The following SMARCA2 variants were observed in gnomAD, a reference collection of about 807,000 sequenced individuals.
SMARCA2 encodes the protein SWI/SNF-related matrix-associated actin-dependent regulator of chromatin subfamily A member 2.
In SMARCA2, 61 loss-of-function variants were observed where a neutral mutation model predicts 199.8. The ratio of observed to expected loss-of-function variants is 0.31; its 90% CI spans 0.25 to 0.38. The LOEUF is 0.38. SMARCA2 is among the 10% of genes least tolerant of loss of function. The pLI is 1.00. For synonymous variants in SMARCA2, 935 were observed against 732.0 expected, an observed-to-expected ratio of 1.28 and a Z score of -4.48; for missense variants, 1,344 against 2,012.2, an observed-to-expected ratio of 0.67 and a Z score of 6.35.
rs7047900 is a variant in SMARCA2 at position 2,088,391 on chromosome 9, A to C, written c.2770-109A>C. On this transcript the variant is annotated intron_variant, in intron 18 of 33. Transcript: ENST00000349721. The stretch of plus-strand genomic sequence containing the variant: ...ACAGGCTTAAACTTGGCTTTAATGC[A>C]TGTAAAATGTCAATCATGTATTGAA... 0.014 allele frequency: 17,639 copies of C among 1,284,512 alleles called. 475 individuals are homozygous for C. Among genetic ancestry groups the C allele is most frequent in the African/African-American group, 0.1 (6,777 of 64,842 alleles). The allele number at this position is 1,284,512 out of a possible 1,614,324, so 79.6% of individuals were successfully genotyped here.
At chr9:2,148,512 T>G (rs994657923) in intron 27 of SMARCA2, among the ~76,000 whole-genome samples, 1 of 151,358 alleles carries the variant, frequency 6.6e-6, no homozygotes, top group Non-Finnish European at 1.5e-5. Context: ...TTATTATACT[T>G]TAAGTTTTAG....
chr9:2,097,126 A>G (rs1586701415), intron 20 of SMARCA2: 1 of 493,256 alleles, frequency 2.0e-6, no homozygotes, highest in East Asian at 3.4e-5. Flanking sequence ...ATAGACAGTC[A>G]TGTCGCAAAG....
intron 27 of SMARCA2, among the ~76,000 whole-genome samples, chr9:2,149,875 A>G (rs1824968862): frequency 6.6e-6 from 1 of 151,640 alleles, no homozygotes; most frequent in Non-Finnish European, 1.5e-5. Flanking sequence ...ATAAAGTGGG[A>G]TAGACATACT....
intron 27 of SMARCA2, among the ~76,000 whole-genome samples, chr9:2,125,333 A>T (rs925715609): frequency 2.6e-5 from 4 of 152,184 alleles, no homozygotes; most frequent in Admixed American, 2.0e-4. Context: ...TTGTTTCACT[A>T]TTGAGATTAT....
chr9:2,171,723 G>T (rs894799393), intron 29 of SMARCA2, among the ~76,000 whole-genome samples: 1 of 152,164 alleles, frequency 6.6e-6, no homozygotes. Flanking sequence ...CAACCAACTT[G>T]GGTAAATATT....
chr9:2,153,274 C>G (rs976056837), intron 27 of SMARCA2, among the ~76,000 whole-genome samples: 1 of 152,212 alleles, frequency 6.6e-6, no homozygotes, highest in African/African-American at 2.4e-5. Context: ...TGATTGCTTG[C>G]TCCTGTAATC....
chr9:2,046,613 C>T (rs1819854338), intron 4 of SMARCA2, among the ~76,000 whole-genome samples: 1 of 152,176 alleles, frequency 6.6e-6, no homozygotes, highest in Non-Finnish European at 1.5e-5. Flanking sequence ...CTGATAAACT[C>T]GTTGCTCTGT....
Position 2,108,805 on chromosome 9 carries a change from G to C in SMARCA2, c.3293-1449G>C, listed in dbSNP as rs72689109. On this transcript the variant is annotated intron_variant, in intron 23 of 33. Coordinates refer to ENST00000349721, the MANE Select transcript of SMARCA2 (RefSeq NM_003070.5). The stretch of plus-strand genomic sequence containing the variant: ...TAAAAGAAAAAAGAGCCCCACATTT[G>C]AAAGCTCACTCATCAAAGCATGTTT... 6.0e-3 allele frequency among the ~76,000 whole-genome samples: 917 copies of C among 152,272 alleles called. 6 individuals carry two copies. Among genetic ancestry groups the C allele is most frequent in the Non-Finnish European group, 0.011 (735 of 68,026 alleles).
chr9:2,119,446 T>C lies in SMARCA2; in HGVS notation c.3685-12T>C. ...TGTCCACTGGTTAAAATCACTCTGT[T>C]TTTAACCCCAGGAAGAAGATGAAGT... On this transcript the variant is annotated splice_polypyrimidine_tract_variant and intron_variant, in intron 25 of 33. Coordinates refer to ENST00000349721, the MANE Select transcript of SMARCA2 (RefSeq NM_003070.5). This position sits in a 1 kb window ranked among gnomAD's most constrained non-coding sequence, Gnocchi z 4.6. 1 of 1,603,428 alleles carries C rather than the reference T, an allele frequency of 6.2e-7. No individual in the cohort carries two copies. The highest frequency in any genetic ancestry group is 1.1e-5 in the South Asian group (1 of 90,860).
intron 29 of SMARCA2, among the ~76,000 whole-genome samples, chr9:2,175,462 T>G (rs922394700): frequency 6.6e-6 from 1 of 152,194 alleles, no homozygotes; most frequent in African/African-American, 2.4e-5. Context: ...TACAACATAT[T>G]AAAACTTTTG....
chr9:2,178,564 A>G (rs1563832202), intron 29 of SMARCA2, among the ~76,000 whole-genome samples: 2 of 152,144 alleles, frequency 1.3e-5, no homozygotes. Context: ...TAAAAAGGAA[A>G]AAAGCAACTT....
intron 29 of SMARCA2, among the ~76,000 whole-genome samples, chr9:2,180,536 T>C (rs10757235): frequency 0.81 from 122,977 of 152,154 alleles, 50,269 homozygotes; most frequent in African/African-American, 0.93. Context: ...TTTATGGCAG[T>C]GATTTATGAT....
chr9:2,120,926 T>C (rs558642384), intron 26 of SMARCA2, among the ~76,000 whole-genome samples: 95 of 152,230 alleles, frequency 6.2e-4, no homozygotes, highest in Non-Finnish European at 1.3e-3. Flanking sequence ...CAATATTCTC[T>C]ATTTAGGGAG....
intron 29 of SMARCA2, among the ~76,000 whole-genome samples, chr9:2,179,530 G>A (rs1298188970): frequency 1.3e-5 from 2 of 152,178 alleles, no homozygotes; most frequent in African/African-American, 4.8e-5. Context: ...GAGAACTCTG[G>A]ACTTGTCTCC....
At chr9:2,186,774 C>A (rs1281066325) in intron 32 of SMARCA2, among the ~76,000 whole-genome samples, 1 of 152,256 alleles carries the variant, frequency 6.6e-6, no homozygotes, top group African/African-American at 2.4e-5. Flanking sequence ...GATCCACCCG[C>A]CTCGGCCTCC....
chr9:2,139,556 G>A (rs779553880), intron 27 of SMARCA2, among the ~76,000 whole-genome samples: 5 of 152,074 alleles, frequency 3.3e-5, no homozygotes, highest in Non-Finnish European at 7.4e-5. Flanking sequence ...CCAGCATAGG[G>A]GTTACTGGTA....
intron 27 of SMARCA2, among the ~76,000 whole-genome samples, chr9:2,129,401 C>G (rs1470846461): frequency 2.6e-5 from 4 of 152,082 alleles, no homozygotes; most frequent in African/African-American, 9.7e-5. Context: ...CTGGGCGACA[C>G]AGCGAGACTC....
At position 2,193,003 on chromosome 9, in the gene SMARCA2, G is replaced by C. The variant is rs550688759; in HGVS notation, c.*264G>C. The C allele has an allele frequency of 2.3e-6, 1 of 443,406 alleles. No homozygotes were observed. Among genetic ancestry groups the C allele is most frequent in the East Asian group, 3.9e-5 (1 of 25,932 alleles). The allele number at this position is 443,406 out of a possible 1,614,324, so 27.5% of individuals were successfully genotyped here. Reference sequence around the variant, plus strand: ...ACAAAAAGCTTTTGATGGAAAATATGTGGGTGGATAGTATATTTCTATGGG... The same window carrying C: ...ACAAAAAGCTTTTGATGGAAAATATCTGGGTGGATAGTATATTTCTATGGG... On this transcript the variant is annotated 3_prime_UTR_variant, in exon 34 of 34. Transcript: ENST00000349721.
At position 2,088,577 on chromosome 9, in the gene SMARCA2, A is replaced by G. The variant is rs1821907817; in HGVS notation, c.2847A>G (p.Arg949=). The G allele has an allele frequency of 6.3e-7, 1 of 1,596,558 alleles. No individual in the cohort carries two copies. The highest frequency in any genetic ancestry group is 1.2e-5 in the South Asian group (1 of 85,974). ...TGTTAAGACCATTTTTACTAAGGAG[A>G]CTGAAGAAAGAAGTTGAATCCCAGC... is the stretch of plus-strand genomic sequence containing the variant. ...HKVLRPFLLR[R]LKKEVESQLP... Residue 949 remains arginine (R), a synonymous_variant, in exon 19 of 34, where the codon AGA becomes AGG. Transcript: ENST00000349721.
Sources: allele counts gnomAD v4.1 joint callset (sites outside exome capture counted in the v4.1 genomes callset), GRCh38; gene constraint gnomAD v4.1.1; non-coding constraint Gnocchi (gnomAD v3.1); transcripts MANE v1.5; gene names NCBI Gene and HGNC (gene_info 2026-07-23, HGNC 2026-07-21).